The following ITPR2 variants were observed in gnomAD, a reference collection of about 807,000 sequenced individuals.
ITPR2 encodes the protein inositol 1,4,5-trisphosphate receptor type 2, also known as inositol 1,4,5-trisphosphate-gated calcium channel ITPR2.
A neutral mutation model predicts 317.1 loss-of-function variants in ITPR2; 207 were observed. The observed-to-expected ratio is 0.65, with a 90% CI of 0.58 to 0.73. The LOEUF is 0.73. ITPR2 is among the 30% of genes least tolerant of loss of function. The pLI, the probability that ITPR2 is intolerant of heterozygous loss-of-function variation, is 0.00. For synonymous variants in ITPR2, 1,156 were observed against 1,149.1 expected, an observed-to-expected ratio of 1.01 and a Z score of -0.12; for missense variants, 2,613 against 3,284.0, an observed-to-expected ratio of 0.80 and a Z score of 4.99.
At chr12:26,398,625 A>G (rs1419724827) in intron 54 of ITPR2, among the ~76,000 whole-genome samples, 2 of 152,240 alleles carry the variant, frequency 1.3e-5, no homozygotes, top group African/African-American at 2.4e-5. Flanking sequence ...GGCATTTTGC[A>G]TCACATTTCT....
intron 13 of ITPR2, among the ~76,000 whole-genome samples, chr12:26,677,092 T>C (rs1947924379): frequency 7.0e-6 from 1 of 143,176 alleles, no homozygotes; most frequent in East Asian, 2.9e-4. Flanking sequence ...AATTCAAGGG[T>C]AATTGCTAAT....
chr12:26,394,569 TGG>T (rs1011819645), intron 54 of ITPR2, among the ~76,000 whole-genome samples: 4 of 151,930 alleles, frequency 2.6e-5, no homozygotes, highest in African/African-American at 9.7e-5. Flanking sequence ...GAGCTATAAA[TGG>T]GAGAACAACA....
chr12:26,829,333 T>C (rs11613827), intron 1 of ITPR2, among the ~76,000 whole-genome samples: 24,357 of 152,058 alleles, frequency 0.16, 2,312 homozygotes, highest in East Asian at 0.22. Context: ...TGAGATTTCA[T>C]AGCACCTTTT....
intron 55 of ITPR2, among the ~76,000 whole-genome samples, chr12:26,363,740 C>G (rs1591964396): frequency 6.6e-6 from 1 of 151,786 alleles, no homozygotes; most frequent in East Asian, 1.9e-4. Flanking sequence ...GCACATGTAT[C>G]CCAGCACATG....
chr12:26,487,401 C>A (rs1942698037), intron 39 of ITPR2, 150 bp from the exon 40 acceptor site: 1 of 577,766 alleles, frequency 1.7e-6, no homozygotes, highest in African/African-American at 1.9e-5. Flanking sequence ...TTGCCAGTTT[C>A]TTGTACTATT....
At chr12:26,532,441 C>T (rs1448564474) in intron 37 of ITPR2, among the ~76,000 whole-genome samples, 28 of 152,138 alleles carry the variant, frequency 1.8e-4, no homozygotes, top group Non-Finnish European at 2.6e-4. Context: ...AGTGCAATGG[C>T]ACAATCATGA....
At chr12:26,450,822 G>A (rs1404324438) in intron 45 of ITPR2, among the ~76,000 whole-genome samples, 1 of 152,150 alleles carries the variant, frequency 6.6e-6, no homozygotes, top group African/African-American at 2.4e-5. Context: ...TTCCAGAGGG[G>A]TTGAGAACCT....
intron 2 of ITPR2, among the ~76,000 whole-genome samples, chr12:26,781,946 G>A (rs1950084455): frequency 6.8e-6 from 1 of 146,950 alleles, no homozygotes; most frequent in Non-Finnish European, 1.5e-5. Flanking sequence ...GGCCTATTGT[G>A]GGACCTTGTG....
chr12:26,363,462 C>A (rs961336293), intron 55 of ITPR2, among the ~76,000 whole-genome samples: 1 of 152,108 alleles, frequency 6.6e-6, no homozygotes, highest in Non-Finnish European at 1.5e-5. Flanking sequence ...CACCCCCTCA[C>A]CCCCGATCCC....
intron 32 of ITPR2, among the ~76,000 whole-genome samples, chr12:26,582,589 GT>G (rs1344495737): frequency 1.3e-5 from 2 of 151,944 alleles, no homozygotes; most frequent in Non-Finnish European, 2.9e-5. Context: ...TATCTTCTTA[GT>G]TATTTCCTTC....
intron 1 of ITPR2, among the ~76,000 whole-genome samples, chr12:26,806,215 T>C (rs986730411): frequency 6.6e-6 from 1 of 152,222 alleles, no homozygotes; most frequent in South Asian, 2.1e-4. Flanking sequence ...AATATAGTAA[T>C]GACCATAAAT....
chr12:26,809,948 A>G (rs929010140), intron 1 of ITPR2, among the ~76,000 whole-genome samples: 1 of 152,242 alleles, frequency 6.6e-6, no homozygotes, highest in Admixed American at 6.5e-5. Context: ...ATGGAAAAAT[A>G]CATCCATTAG....
intron 52 of ITPR2, among the ~76,000 whole-genome samples, chr12:26,402,326 C>T (rs1488744309): frequency 1.3e-5 from 2 of 152,158 alleles, no homozygotes; most frequent in Non-Finnish European, 2.9e-5. Context: ...CCATCACTAC[C>T]GTCTATCTAG....
intron 21 of ITPR2, among the ~76,000 whole-genome samples, chr12:26,650,099 G>C (rs1464550239): frequency 3.3e-5 from 5 of 152,066 alleles, no homozygotes; most frequent in African/African-American, 1.2e-4. Context: ...AAGGTATCTA[G>C]AAGTCAGTGG....
intron 2 of ITPR2, among the ~76,000 whole-genome samples, chr12:26,758,553 G>A (rs1403631885): frequency 2.0e-5 from 3 of 152,158 alleles, no homozygotes; most frequent in East Asian, 3.9e-4. Flanking sequence ...ACTGTTAAAA[G>A]TTGCATGTCT....
At chr12:26,516,147 C>T (rs61920274) in intron 37 of ITPR2, among the ~76,000 whole-genome samples, 18,339 of 108,844 alleles carry the variant, frequency 0.17, 1,970 homozygotes, top group Non-Finnish European at 0.22. Context: ...AAAGAAAAGA[C>T]GAAGAAAAGA....
chr12:26,396,423 T>C (rs927258706), intron 54 of ITPR2, among the ~76,000 whole-genome samples: 2 of 152,148 alleles, frequency 1.3e-5, no homozygotes, highest in African/African-American at 4.8e-5. Context: ...CTTCTCTGCT[T>C]GGGCAGAGTT....
intron 55 of ITPR2, among the ~76,000 whole-genome samples, chr12:26,348,710 T>A (rs1231109274): frequency 1.3e-5 from 2 of 152,148 alleles, no homozygotes; most frequent in Non-Finnish European, 2.9e-5. Context: ...ACACTAAGGC[T>A]AGGCATGATG....
intron 9 of ITPR2, among the ~76,000 whole-genome samples, chr12:26,696,669 T>A (rs1216638023): frequency 1.3e-5 from 2 of 152,190 alleles, no homozygotes; most frequent in Admixed American, 1.3e-4. Context: ...AAGTAGATAG[T>A]TCTTGGGGAC....
Sources: allele counts gnomAD v4.1 joint callset (sites outside exome capture counted in the v4.1 genomes callset), GRCh38; gene constraint gnomAD v4.1.1; transcripts MANE v1.5; gene names NCBI Gene and HGNC (gene_info 2026-07-23, HGNC 2026-07-21).